PCDHGA7: variants seen among roughly 807,000 people sequenced by gnomAD.
PCDHGA7 encodes the protein protocadherin gamma subfamily A, 7, also known as protocadherin gamma-A7.
Under a neutral mutation model 58.3 loss-of-function variants are expected in PCDHGA7, and 44 were observed. That is an observed-to-expected ratio of 0.75 (90% CI 0.59 to 0.97). The LOEUF (loss-of-function observed/expected upper bound fraction) is 0.97. Ranked by LOEUF, PCDHGA7 falls within the 50% of genes least tolerant of loss-of-function variation. The probability of loss-of-function intolerance (pLI) is 0.00; values close to 1 mark genes in which losing one functional copy is unlikely to be tolerated. For missense variants in PCDHGA7, 1,266 were observed against 1,188.7 expected (o/e 1.06, Z -0.96); for synonymous variants, 516 against 504.2 (o/e 1.02, Z -0.31).
chr5:141,409,047 G>A, intron 1 of PCDHGA7: 1 of 1,613,982 alleles, frequency 6.2e-7, no homozygotes, highest in Non-Finnish European at 8.5e-7. Context: ...TACTACTTCC[G>A]AAGCACTGCC....
At chr5:141,409,024 T>C (rs2095212064) in intron 1 of PCDHGA7, 2 of 1,613,988 alleles carry the variant, frequency 1.2e-6, no homozygotes, top group South Asian at 1.1e-5. Context: ...AGGGGGTCAA[T>C]GCTGAGATAA....
intron 1 of PCDHGA7, chr5:141,413,459 A>C: frequency 1.9e-6 from 3 of 1,614,080 alleles, no homozygotes; most frequent in Non-Finnish European, 2.5e-6. Flanking sequence ...GGCAGGATAG[A>C]CCGGGAGGAG....
chr5:141,384,384 C>A lies in PCDHGA7; in HGVS notation c.1485C>A (p.Thr495=), dbSNP rs142665639. 6.3e-5 allele frequency: 102 copies of A among 1,613,934 alleles called. No homozygotes were observed. Among genetic ancestry groups the A allele is most frequent in the Non-Finnish European group, 8.3e-5 (98 of 1,179,894 alleles). ...TCACTTATTCCTTGGCCGAAGACAC[C>A]ATCCAGGGGGCTCCAGTGTCCTCCT... ...AQITYSLAED[T]IQGAPVSSYV... Residue 495 remains threonine (T), a synonymous_variant, in exon 1 of 4, where the codon ACC becomes ACA. Transcript: ENST00000518325.
At chr5:141,483,534 G>C (rs754118568) in intron 1 of PCDHGA7, among the ~76,000 whole-genome samples, 1 of 152,102 alleles carries the variant, frequency 6.6e-6, no homozygotes, top group Non-Finnish European at 1.5e-5. Flanking sequence ...AAGGAAGCTG[G>C]GTGGTTGACA....
chr5:141,406,096 G>A (rs966441415), intron 1 of PCDHGA7, among the ~76,000 whole-genome samples: 1 of 150,800 alleles, frequency 6.6e-6, no homozygotes, highest in Non-Finnish European at 1.5e-5. Context: ...TTAAGAGATG[G>A]GGGTGTCATT....
At chr5:141,403,143 T>A in intron 1 of PCDHGA7, 1 of 1,613,850 alleles carries the variant, frequency 6.2e-7, no homozygotes, top group Non-Finnish European at 8.5e-7. Flanking sequence ...GAGCGCCGAG[T>A]CCGCATCGTC....
At chr5:141,399,952 G>A in intron 1 of PCDHGA7, 1 of 1,612,186 alleles carries the variant, frequency 6.2e-7, no homozygotes, top group Non-Finnish European at 8.5e-7. Flanking sequence ...GCAGGCTAGC[G>A]AGCCCGGGCT....
chr5:141,395,057 T>A (rs2093157144), intron 1 of PCDHGA7: 1 of 1,614,042 alleles, frequency 6.2e-7, no homozygotes, highest in Non-Finnish European at 8.5e-7. Context: ...AGGTACAGGC[T>A]TTCCTGCAGA....
intron 1 of PCDHGA7, chr5:141,403,365 T>A: frequency 6.2e-7 from 1 of 1,614,024 alleles, no homozygotes; most frequent in Non-Finnish European, 8.5e-7. Context: ...GCCGAAAGTC[T>A]GGAAGTAAAA....
At chr5:141,393,592 G>T (rs200863279) in intron 1 of PCDHGA7, 1 of 1,613,908 alleles carries the variant, frequency 6.2e-7, no homozygotes, top group South Asian at 1.1e-5. Flanking sequence ...CCAGGCACGC[G>T]GCTGCTTACT....
At chr5:141,499,880 G>A (rs1177287013) in intron 2 of PCDHGA7, among the ~76,000 whole-genome samples, 1 of 151,886 alleles carries the variant, frequency 6.6e-6, no homozygotes, top group African/African-American at 2.4e-5. Flanking sequence ...TACAAACAGG[G>A]TTTCGCCATG....
Position 141,486,278 on chromosome 5 carries a change from G to C in PCDHGA7, c.2425-8529G>C, listed in dbSNP as rs774763063. On this transcript the variant is annotated intron_variant, in intron 1 of 3. Coordinates refer to ENST00000518325, the MANE Select transcript of PCDHGA7 (RefSeq NM_018920.4). The surrounding 1 kb of genome is among the most constrained non-coding windows in gnomAD (Gnocchi z 5.0). ...CGAGAGTGCAGAACCTGGCACTGTG[G>C]TGGCACTTATCAGTGTGCAGGATCC... is the stretch of plus-strand genomic sequence containing the variant. 4 of 1,613,970 alleles carry C rather than the reference G, an allele frequency of 2.5e-6. No individual in the cohort carries two copies. In the South Asian group the frequency reaches 4.4e-5, roughly 18 times the overall value.
At chr5:141,427,304 C>G in intron 1 of PCDHGA7, 1 of 456,910 alleles carries the variant, frequency 2.2e-6, no homozygotes. Flanking sequence ...ATGAGAATGA[C>G]AATGCCCCAG....
At chr5:141,427,882 A>G (rs2097084180) in intron 1 of PCDHGA7, 3 of 1,563,878 alleles carry the variant, frequency 1.9e-6, no homozygotes, top group Non-Finnish European at 2.6e-6. Flanking sequence ...ATGCAGGCCC[A>G]CGACCAGGGC....
At chr5:141,421,069 AGATG>A in intron 1 of PCDHGA7, 1 of 598,532 alleles carries the variant, frequency 1.7e-6, no homozygotes, top group Non-Finnish European at 2.8e-6. Context: ...AAGCGGAATG[AGATG>A]GATACTCACA....
chr5:141,430,837 C>T (rs1350348914), intron 1 of PCDHGA7: 4 of 1,559,956 alleles, frequency 2.6e-6, no homozygotes, highest in South Asian at 2.5e-5. Context: ...TGTGGGAGAC[C>T]GGATGCACCC....
intron 2 of PCDHGA7, among the ~76,000 whole-genome samples, chr5:141,500,775 T>C (rs1251282826): frequency 6.6e-6 from 1 of 152,218 alleles, no homozygotes; most frequent in Non-Finnish European, 1.5e-5. Context: ...CTTATGAATA[T>C]ACATATTATT....
chr5:141,392,830 G>A lies in PCDHGA7; in HGVS notation c.2424+7507G>A, dbSNP rs747812941. ...AAAACAACAATGGCCGCTCCACAGA[G>A]TCGCCCCAGACGCGGCGAGCTGATC... On this transcript the variant is annotated intron_variant, in intron 1 of 3. Transcript: ENST00000518325. The A allele has an allele frequency of 1.6e-5, 26 of 1,604,568 alleles. No individual in the cohort carries two copies. Among genetic ancestry groups the A allele is most frequent in the Non-Finnish European group, 2.0e-5 (24 of 1,175,404 alleles).
In PCDHGA7 at chr5:141,491,359, G is replaced by C. The variant is rs764159829; in HGVS notation, c.2425-3448G>C. 3 of 1,614,154 alleles carry C rather than the reference G, an allele frequency of 1.9e-6. No homozygotes were observed. In the East Asian group the frequency reaches 6.7e-5, roughly 36 times the overall value. On this transcript the variant is annotated intron_variant, in intron 1 of 3. Coordinates refer to ENST00000518325, the MANE Select transcript of PCDHGA7 (RefSeq NM_018920.4). This position sits in a 1 kb window ranked among gnomAD's most constrained non-coding sequence, Gnocchi z 6.9. ...AGCGACCGTCAGTCTCTTATCCCTA[G>C]TCACCTTCACCTTTCTGTCAGCGAA...
Sources: allele counts gnomAD v4.1 joint callset (sites outside exome capture counted in the v4.1 genomes callset), GRCh38; gene constraint gnomAD v4.1.1; non-coding constraint Gnocchi (gnomAD v3.1); transcripts MANE v1.5; gene names NCBI Gene and HGNC (gene_info 2026-07-23, HGNC 2026-07-21).